The following FANCI variants were observed in gnomAD, a reference collection of about 807,000 sequenced individuals.
FANCI encodes the protein Fanconi anemia group I protein.
Under a neutral mutation model 176.1 loss-of-function variants are expected in FANCI, and 156 were observed. That is an observed-to-expected ratio of 0.89 (90% confidence interval 0.78 to 1.01). The LOEUF (loss-of-function observed/expected upper bound fraction) is 1.01, where lower values mean the gene tolerates loss of function less well. Ranked by LOEUF, FANCI falls within the 50% of genes least tolerant of loss-of-function variation. The probability of loss-of-function intolerance (pLI) is 0.00; values close to 1 mark genes in which losing one functional copy is unlikely to be tolerated. For synonymous variants in FANCI, 613 were observed against 541.7 expected, an observed-to-expected ratio of 1.13 and a Z score of -1.83; for missense variants, 1,678 against 1,534.1, an observed-to-expected ratio of 1.09 and a Z score of -1.57.
At chr15:89,255,440 C>T (rs887629806) in intron 2 of FANCI, among the ~76,000 whole-genome samples, 2 of 152,042 alleles carry the variant, frequency 1.3e-5, no homozygotes, top group Non-Finnish European at 2.9e-5. Flanking sequence ...CTTAAAGTGT[C>T]TCCCTATAAA....
chr15:89,300,296 C>T lies in FANCI; in HGVS notation c.2804-4C>T, dbSNP rs1329917365. On this transcript the variant is annotated splice_polypyrimidine_tract_variant and splice_region_variant and intron_variant, in intron 25 of 37. Coordinates refer to ENST00000310775, the MANE Select transcript of FANCI (RefSeq NM_001113378.2). ...GAAGACAAGAGTTTCTTTTCCATTCCTAGATGTCACAGATAAGGAAGGAGA... is the reference window on the plus strand; with the variant it reads ...GAAGACAAGAGTTTCTTTTCCATTCTTAGATGTCACAGATAAGGAAGGAGA... 6.2e-7 allele frequency: 1 copy of T among 1,612,540 alleles called. No homozygotes were observed. The highest frequency in any genetic ancestry group is 1.3e-5 in the African/African-American group (1 of 74,964).
chr15:89,314,793 G>T, intron 36 of FANCI, 86 bp downstream of exon 36: 14 of 899,812 alleles, frequency 1.6e-5, no homozygotes, highest in East Asian at 5.3e-5. Context: ...TACAATGGAG[G>T]AAAAGAGACT....
At chr15:89,260,889 G>C (rs367911055) in intron 4 of FANCI, 46 bp downstream of exon 4, 100 of 1,606,536 alleles carry the variant, frequency 6.2e-5, no homozygotes, top group Non-Finnish European at 7.7e-5. Context: ...GGTTTTTGAG[G>C]GTTTGTAATT....
rs1290802007 is a variant in FANCI, at chr15:89,308,071, G to A, written c.3651+399G>A. Reference sequence around the variant, plus strand: ...GGCAGTGCAGTGAGGGCACTTTCAGGGAAGTGGAAGGACGTGGCTTTGTAA... The same window carrying A: ...GGCAGTGCAGTGAGGGCACTTTCAGAGAAGTGGAAGGACGTGGCTTTGTAA... On this transcript the variant is annotated intron_variant, in intron 34 of 37. Coordinates refer to ENST00000310775, the MANE Select transcript of FANCI (RefSeq NM_001113378.2). 6.2e-6 allele frequency: 7 copies of A among 1,125,726 alleles called. No homozygotes were observed. In the Admixed American group the frequency reaches 1.3e-4, roughly 22 times the overall value. 69.7% of individuals were successfully genotyped at this position (1,125,726 alleles called of 1,614,324 possible).
chr15:89,248,865 C>T (rs1297815472), intron 2 of FANCI, among the ~76,000 whole-genome samples: 7 of 152,056 alleles, frequency 4.6e-5, no homozygotes, highest in Admixed American at 2.6e-4. Flanking sequence ...TTTCCTTTAT[C>T]TCTGAAGTCC....
chr15:89,294,195 A>T (rs2054169023), intron 23 of FANCI, among the ~76,000 whole-genome samples, 198 bp downstream of exon 23: 1 of 152,228 alleles, frequency 6.6e-6, no homozygotes, highest in Non-Finnish European at 1.5e-5. Flanking sequence ...GACAAATGAG[A>T]AACAGTGGGC....
intron 10 of FANCI, among the ~76,000 whole-genome samples, chr15:89,272,911 C>T (rs980375162): frequency 2.0e-5 from 3 of 152,144 alleles, no homozygotes; most frequent in Non-Finnish European, 1.5e-5. Flanking sequence ...AAGTGACCCA[C>T]CTGCCTCAGT....
At chr15:89,299,737 C>A in intron 24 of FANCI, 63 bp from the exon 25 acceptor site, 2 of 1,544,822 alleles carry the variant, frequency 1.3e-6, no homozygotes, top group Non-Finnish European at 1.8e-6. Flanking sequence ...AAGAATTTTA[C>A]TGTTTGTTAT....
intron 4 of FANCI, 31 bp downstream of exon 4, chr15:89,260,874 G>A (rs769990005): frequency 6.2e-7 from 1 of 1,611,734 alleles, no homozygotes; most frequent in African/African-American, 1.3e-5. Context: ...TTTTATTTGG[G>A]GGTAGGTTTT....
chr15:89,302,293 G>A (rs548139069), intron 27 of FANCI, among the ~76,000 whole-genome samples: 5 of 152,218 alleles, frequency 3.3e-5, no homozygotes, highest in African/African-American at 1.2e-4. Flanking sequence ...CCCAAAGAAA[G>A]TCCCTTTGGT....
At chr15:89,297,732 G>A (rs2054358102) in intron 24 of FANCI, among the ~76,000 whole-genome samples, 1 of 146,658 alleles carries the variant, frequency 6.8e-6, no homozygotes, top group East Asian at 2.1e-4. Flanking sequence ...GCATCAGAGG[G>A]AGACCGTGGA....
chr15:89,293,166 A>ATGACAC (rs2054129089), intron 22 of FANCI, 103 bp downstream of exon 22: 13 of 1,253,142 alleles, frequency 1.0e-5, no homozygotes, highest in Middle Eastern at 2.7e-4. Flanking sequence ...ACCACAGACG[A>ATGACAC]TGACACTGTC....
At chr15:89,251,044 T>G (rs1049604542) in intron 2 of FANCI, among the ~76,000 whole-genome samples, 4 of 151,814 alleles carry the variant, frequency 2.6e-5, no homozygotes, top group Admixed American at 1.3e-4. Flanking sequence ...TGGTTCTTTG[T>G]GGGGGAAAAA....
intron 34 of FANCI, among the ~76,000 whole-genome samples, chr15:89,309,431 G>C (rs1395895325): frequency 6.6e-6 from 1 of 152,104 alleles, no homozygotes; most frequent in African/African-American, 2.4e-5. Context: ...TCTCACCTTA[G>C]AGATTCGTGG....
In FANCI at chr15:89,305,396, C is replaced by A. The variant is rs756578014; in HGVS notation, c.3242C>A (p.Ala1081Asp). Reference protein sequence around the residue: ...HFAIVNLRTAAPTVCLLVLSQ... With the variant: ...HFAIVNLRTADPTVCLLVLSQ... ...GCAATAGTGAATTTGAGAACGGCTG[C>A]CCCCACTGTCTGTGTAAGTGTTGTA... Residue 1081 changes from alanine to aspartate, a missense_variant, in exon 30 of 38, where the codon GCC becomes GAC. Coordinates refer to ENST00000310775, the MANE Select transcript of FANCI (RefSeq NM_001113378.2). 6.2e-7 allele frequency: 1 copy of A among 1,613,274 alleles called. No homozygotes were observed. The highest frequency in any genetic ancestry group is 8.5e-7 in the Non-Finnish European group (1 of 1,179,948).
intron 24 of FANCI, among the ~76,000 whole-genome samples, chr15:89,296,505 T>A (rs982812707): frequency 3.3e-5 from 5 of 152,072 alleles, no homozygotes; most frequent in Admixed American, 2.0e-4. Flanking sequence ...GAGCACGGGG[T>A]TGCGGGTAAG....
At chr15:89,305,948 T>G (rs1408904850) in intron 31 of FANCI, 59 bp from the exon 32 acceptor site, 2 of 1,558,172 alleles carry the variant, frequency 1.3e-6, no homozygotes, top group Non-Finnish European at 1.8e-6. Flanking sequence ...CTAAATCTCC[T>G]TTACTCTTAA....
intron 2 of FANCI, among the ~76,000 whole-genome samples, chr15:89,250,669 A>G (rs1259162858): frequency 1.3e-5 from 2 of 151,678 alleles, no homozygotes; most frequent in Non-Finnish European, 2.9e-5. Flanking sequence ...TGTTGTGCAC[A>G]TGTACCCTAG....
intron 2 of FANCI, among the ~76,000 whole-genome samples, chr15:89,257,588 T>C (rs1383328047): frequency 6.6e-6 from 1 of 151,366 alleles, no homozygotes; most frequent in Non-Finnish European, 1.5e-5. Flanking sequence ...GTGTCCAGAG[T>C]TCCCCTTTTT....
Sources: gnomAD v4.1 joint callset for allele counts (sites outside exome capture counted in the v4.1 genomes callset) on GRCh38, gnomAD v4.1.1 for gene constraint, MANE v1.5 for transcripts, NCBI Gene and HGNC (gene_info 2026-07-23, HGNC 2026-07-21) for gene names.